GUCY1A2: variants seen among roughly 807,000 people sequenced by gnomAD.
GUCY1A2 encodes guanylate cyclase 1 soluble subunit alpha 2.
Under a neutral mutation model 63.5 loss-of-function variants are expected in GUCY1A2, and 27 were observed. That is an observed-to-expected ratio of 0.43 (90% CI 0.31 to 0.59). GUCY1A2 has a LOEUF of 0.59. Among genes scored for constraint, GUCY1A2 ranks in the 20% least tolerant of loss-of-function variants. The pLI is 0.11. For missense variants in GUCY1A2, 768 were observed against 913.3 expected (o/e 0.84, Z 2.05); for synonymous variants, 364 against 343.5 (o/e 1.06, Z -0.66).
At chr11:107,002,607 A>T (rs1280728212) in intron 1 of GUCY1A2, among the ~76,000 whole-genome samples, 1 of 152,216 alleles carries the variant, frequency 6.6e-6, no homozygotes, top group Non-Finnish European at 1.5e-5. Flanking sequence ...TTGATAAGAC[A>T]ATCCAAAAGT....
At chr11:106,936,560 G>A in intron 4 of GUCY1A2, 1 of 661,170 alleles carries the variant, frequency 1.5e-6, no homozygotes, top group Non-Finnish European at 2.6e-6. Flanking sequence ...GAATATGTGA[G>A]GCATGGATGA....
At chr11:106,826,784 G>C (rs1160605144) in intron 4 of GUCY1A2, 49 of 1,610,518 alleles carry the variant, frequency 3.0e-5, no homozygotes, top group African/African-American at 1.3e-5. Flanking sequence ...CTCATCTGCT[G>C]CCAGACTGGG....
At chr11:106,712,639 T>C (rs980569661) in intron 6 of GUCY1A2, among the ~76,000 whole-genome samples, 1 of 144,244 alleles carries the variant, frequency 6.9e-6, no homozygotes, top group Non-Finnish European at 1.5e-5. Context: ...GGATGCAGTT[T>C]AATGACTTGG....
Position 106,906,853 on chromosome 11 carries a change from C to T in GUCY1A2, c.1206+32607G>A, listed in dbSNP as rs558605368. On this transcript the variant is annotated intron_variant, in intron 4 of 7. Transcript: ENST00000526355. ...CACAAGAACAGAAAACCAAACACCA[C>T]ATGTCCTCACTCATAGGTGGGAGTT... 3.9e-5 allele frequency among the ~76,000 whole-genome samples: 6 copies of T among 152,160 alleles called. No individual in the cohort carries two copies. In the South Asian group the frequency reaches 1.2e-3, roughly 32 times the overall value.
chr11:106,710,856 A>G (rs1045216235), intron 6 of GUCY1A2, among the ~76,000 whole-genome samples: 4 of 151,954 alleles, frequency 2.6e-5, no homozygotes, highest in Non-Finnish European at 4.4e-5. Context: ...CAAGTAGCCA[A>G]ATATCACCCC....
intron 4 of GUCY1A2, among the ~76,000 whole-genome samples, chr11:106,913,986 C>CAAAAAAAAAAAAAAAAAG (rs1860332504): frequency 4.2e-5 from 3 of 71,244 alleles, no homozygotes; most frequent in Admixed American, 1.6e-4. Flanking sequence ...AATGAAAAAG[C>CAAAAAAAAAAAAAAAAAG]AAAAAAAAAA....
chr11:106,690,177 C>T (rs904368153), intron 7 of GUCY1A2, among the ~76,000 whole-genome samples: 1 of 152,094 alleles, frequency 6.6e-6, no homozygotes, highest in African/African-American at 2.4e-5. Context: ...TGGGAATATA[C>T]CCAGAGGAAT....
intron 4 of GUCY1A2, among the ~76,000 whole-genome samples, chr11:106,863,500 A>C (rs970180916): frequency 1.3e-5 from 2 of 151,802 alleles, no homozygotes; most frequent in African/African-American, 2.4e-5. Context: ...TGGTCTATAT[A>C]TCTGTTTTGG....
At chr11:106,708,334 C>A (rs1385488282) in intron 7 of GUCY1A2, among the ~76,000 whole-genome samples, 178 bp downstream of exon 7, 2 of 152,024 alleles carry the variant, frequency 1.3e-5, no homozygotes, top group African/African-American at 4.8e-5. Flanking sequence ...TGCACTCTCA[C>A]AGAGTGCAAA....
At chr11:106,828,725 C>T (rs1031298630) in intron 4 of GUCY1A2, among the ~76,000 whole-genome samples, 3 of 151,536 alleles carry the variant, frequency 2.0e-5, no homozygotes, top group Non-Finnish European at 2.9e-5. Context: ...GACCTCTTGA[C>T]CTACACAGCC....
At chr11:106,889,588 A>G (rs1420192904) in intron 4 of GUCY1A2, among the ~76,000 whole-genome samples, 1 of 152,334 alleles carries the variant, frequency 6.6e-6, no homozygotes, top group East Asian at 1.9e-4. Context: ...AAGATAAAAA[A>G]TGATTTTATT....
At chr11:106,909,070 C>T (rs1860254524) in intron 4 of GUCY1A2, among the ~76,000 whole-genome samples, 1 of 151,864 alleles carries the variant, frequency 6.6e-6, no homozygotes, top group African/African-American at 2.4e-5. Flanking sequence ...GGATAATTTC[C>T]TAATTACAAT....
At chr11:106,894,547 G>A (rs1294856520) in intron 4 of GUCY1A2, among the ~76,000 whole-genome samples, 1 of 151,946 alleles carries the variant, frequency 6.6e-6, no homozygotes, top group East Asian at 1.9e-4. Flanking sequence ...CCACAATCTG[G>A]GCCATAAAAC....
At chr11:106,744,037 C>A (rs1377976567) in intron 6 of GUCY1A2, among the ~76,000 whole-genome samples, 1 of 152,092 alleles carries the variant, frequency 6.6e-6, no homozygotes, top group African/African-American at 2.4e-5. Flanking sequence ...ACCAAGAAGA[C>A]CATGGATGTA....
chr11:106,792,668 G>A (rs1156513892), intron 5 of GUCY1A2, among the ~76,000 whole-genome samples: 2 of 113,546 alleles, frequency 1.8e-5, no homozygotes, highest in African/African-American at 7.5e-5. Flanking sequence ...CATACTGAAT[G>A]GGCAAAAGCT....
chr11:106,838,813 T>A (rs1346632053), intron 4 of GUCY1A2, among the ~76,000 whole-genome samples: 1 of 152,080 alleles, frequency 6.6e-6, no homozygotes, highest in East Asian at 1.9e-4. Context: ...CTTCGCCTAC[T>A]TTTTGATGGG....
At chr11:106,945,506 C>T (rs1860815051) in intron 3 of GUCY1A2, among the ~76,000 whole-genome samples, 1 of 152,116 alleles carries the variant, frequency 6.6e-6, no homozygotes, top group African/African-American at 2.4e-5. Flanking sequence ...GAGCAATGAA[C>T]CCTACAACAC....
At chr11:106,695,956 C>T (rs1382285825) in intron 7 of GUCY1A2, among the ~76,000 whole-genome samples, 4 of 152,086 alleles carry the variant, frequency 2.6e-5, no homozygotes, top group African/African-American at 9.7e-5. Context: ...AATGATAAGG[C>T]AGAGAGTCTC....
At chr11:106,809,925 A>C in intron 5 of GUCY1A2, 68 bp downstream of exon 5, 1 of 1,028,428 alleles carries the variant, frequency 9.7e-7, no homozygotes, top group Non-Finnish European at 1.4e-6. Context: ...AAGTAAAAAA[A>C]TCAATTTAAT....
Sources: allele counts gnomAD v4.1 joint callset (sites outside exome capture counted in the v4.1 genomes callset), GRCh38; gene constraint gnomAD v4.1.1; transcripts MANE v1.5; gene names NCBI Gene and HGNC (gene_info 2026-07-23, HGNC 2026-07-21).